USP10: variants seen among roughly 807,000 people sequenced by gnomAD.
The protein encoded by USP10 is ubiquitin specific peptidase 10.
A neutral mutation model predicts 84.5 loss-of-function variants in USP10; 22 were observed. The observed-to-expected ratio is 0.26, with a 90% CI of 0.19 to 0.37. The LOEUF is 0.37. Ranked by LOEUF, USP10 falls within the 10% of genes least tolerant of loss-of-function variation. The pLI is 1.00. For synonymous variants in USP10, 454 were observed against 387.6 expected (o/e 1.17, Z -2.01); for missense variants, 1,019 against 998.9 (o/e 1.02, Z -0.27).
chr16:84,733,389 A>T (rs771736831), intron 1 of USP10, 46 bp from the exon 2 acceptor site: 2 of 1,430,908 alleles, frequency 1.4e-6, no homozygotes, highest in South Asian at 1.2e-5. Flanking sequence ...GAAAGTATAT[A>T]ATTTGTATAT....
chr16:84,773,558 T>G (rs916509999), intron 12 of USP10, among the ~76,000 whole-genome samples: 1 of 152,164 alleles, frequency 6.6e-6, no homozygotes, highest in African/African-American at 2.4e-5. Context: ...AGACACTGTC[T>G]CTCCCAGGCC....
chr16:84,775,631 G>A (rs112951037), intron 13 of USP10, among the ~76,000 whole-genome samples: 13 of 152,244 alleles, frequency 8.5e-5, no homozygotes, highest in African/African-American at 1.9e-4. Context: ...TGATCCCTGC[G>A]TCCTCCCCCA....
chr16:84,719,094 T>TCG (rs1907447542), intron 1 of USP10, among the ~76,000 whole-genome samples: 1 of 152,020 alleles, frequency 6.6e-6, no homozygotes, highest in African/African-American at 2.4e-5. Context: ...GCCCGGCCAG[T>TCG]TTAGTTGTTG....
intron 1 of USP10, among the ~76,000 whole-genome samples, chr16:84,708,292 A>G (rs1905813954): frequency 6.6e-6 from 1 of 152,158 alleles, no homozygotes; most frequent in Non-Finnish European, 1.5e-5. Flanking sequence ...TCTGCTAAAA[A>G]TACAAAAATT....
At chr16:84,709,984 G>A (rs1245552079) in intron 1 of USP10, among the ~76,000 whole-genome samples, 9 of 152,014 alleles carry the variant, frequency 5.9e-5, no homozygotes, top group African/African-American at 1.9e-4. Flanking sequence ...AAGATAGCTG[G>A]TTGAGGCCGG....
At chr16:84,759,610 G>C (rs1317951499) in intron 6 of USP10, 138 bp downstream of exon 6, 1 of 830,778 alleles carries the variant, frequency 1.2e-6, no homozygotes, top group Non-Finnish European at 1.9e-6. Flanking sequence ...ATAGACTGTT[G>C]GCGATTTTAT....
intron 1 of USP10, among the ~76,000 whole-genome samples, chr16:84,717,068 G>A (rs974277272): frequency 1.3e-5 from 2 of 152,210 alleles, no homozygotes; most frequent in Non-Finnish European, 2.9e-5. Context: ...TCTTGTGAAT[G>A]TGCACATTTA....
intron 4 of USP10, among the ~76,000 whole-genome samples, chr16:84,758,198 A>C (rs1254348760): frequency 6.6e-6 from 1 of 152,216 alleles, no homozygotes; most frequent in Non-Finnish European, 1.5e-5. Flanking sequence ...GCTGTCTCTG[A>C]AAGGAGTATT....
chr16:84,779,193 G>C lies in USP10; in HGVS notation c.*111G>C. 7.7e-7 allele frequency: 1 copy of C among 1,293,666 alleles called. No homozygotes were observed. Among genetic ancestry groups the C allele is most frequent in the East Asian group, 2.5e-5 (1 of 39,582 alleles). The allele number at this position is 1,293,666 out of a possible 1,614,324, so 80.1% of individuals were successfully genotyped here. ...TTAGAGAGAAACTCTTTCTCCCTTT[G>C]CAAAAATGGGCTAGAATGAAAAGGA... On this transcript the variant is annotated 3_prime_UTR_variant, in exon 14 of 14. Transcript: ENST00000219473.
At chr16:84,739,062 C>CTTT (rs35956790) in intron 2 of USP10, among the ~76,000 whole-genome samples, 23,595 of 142,542 alleles carry the variant, frequency 0.17, 2,253 homozygotes, top group Middle Eastern at 0.29. Context: ...CTTCCTAAAC[C>CTTT]TTTTTTTTTT....
intron 1 of USP10, chr16:84,704,863 A>G (rs1018708747): frequency 6.5e-7 from 1 of 1,535,730 alleles, no homozygotes; most frequent in Non-Finnish European, 8.7e-7. Context: ...TAGGGCAGGT[A>G]AGGTGTTGAG....
intron 3 of USP10, among the ~76,000 whole-genome samples, chr16:84,743,677 C>T (rs987849071): frequency 5.3e-5 from 8 of 152,102 alleles, no homozygotes; most frequent in African/African-American, 1.7e-4. Flanking sequence ...TATAAGGTGA[C>T]ATTGATGCTT....
Position 84,759,871 on chromosome 16 carries a change from C to G in USP10, c.1395-20C>G, listed in dbSNP as rs1405747512. On this transcript the variant is annotated intron_variant, in intron 6 of 13. Coordinates refer to ENST00000219473, the MANE Select transcript of USP10 (RefSeq NM_005153.3). ...TATTGTTTAAAACTGCACTATTTAA[C>G]ATTTTTTCCCCATGTTTAGTGTTCG... 6.2e-7 allele frequency: 1 copy of G among 1,613,078 alleles called. No homozygotes were observed.
intron 1 of USP10, among the ~76,000 whole-genome samples, chr16:84,702,202 G>A (rs1054636114): frequency 3.3e-5 from 5 of 151,252 alleles, no homozygotes; most frequent in Admixed American, 3.3e-4. Flanking sequence ...GATTACAGGC[G>A]CCCACCACCA....
At chr16:84,740,416 G>T in intron 3 of USP10, 47 bp downstream of exon 3, 2 of 1,518,202 alleles carry the variant, frequency 1.3e-6, no homozygotes, top group Non-Finnish European at 1.8e-6. Context: ...TTGGCCATAC[G>T]TGCTGGGTGG....
intron 8 of USP10, among the ~76,000 whole-genome samples, chr16:84,761,911 C>A (rs919051129): frequency 6.6e-6 from 1 of 152,242 alleles, no homozygotes; most frequent in Non-Finnish European, 1.5e-5. Flanking sequence ...AGTTTTTGCC[C>A]TTTTCTGCAC....
chr16:84,755,283 T>C (rs1380979219), intron 4 of USP10, among the ~76,000 whole-genome samples: 1 of 151,796 alleles, frequency 6.6e-6, no homozygotes, highest in Non-Finnish European at 1.5e-5. Flanking sequence ...AGACCTTTCC[T>C]TCCGTATCGT....
rs188593723 is a variant in USP10 at position 84,736,678 on chromosome 16, A to G, written c.90+3175A>G. On this transcript the variant is annotated intron_variant, in intron 2 of 13. Coordinates refer to ENST00000219473, the MANE Select transcript of USP10 (RefSeq NM_005153.3). ...TTTGGAAGTAGCACACATCCCAACC[A>G]TGACTGAGTCAATAAGCCCCCGATG... 7.9e-5 allele frequency among the ~76,000 whole-genome samples: 12 copies of G among 152,322 alleles called. 1 individual carries two copies. The highest frequency in any genetic ancestry group is 2.2e-4 in the African/African-American group (9 of 41,566).
intron 12 of USP10, among the ~76,000 whole-genome samples, chr16:84,773,672 G>A (rs982014464): frequency 3.3e-5 from 5 of 152,152 alleles, no homozygotes; most frequent in Admixed American, 6.5e-5. Context: ...CTCATCAGCC[G>A]ATTGCTTTTT....
Sources: gnomAD v4.1 joint callset for allele counts (sites outside exome capture counted in the v4.1 genomes callset) on GRCh38, gnomAD v4.1.1 for gene constraint, MANE v1.5 for transcripts, NCBI Gene and HGNC (gene_info 2026-07-23, HGNC 2026-07-21) for gene names.